SDK1: variants seen among roughly 807,000 people sequenced by gnomAD.
SDK1 encodes the protein sidekick cell adhesion molecule 1.
Under a neutral mutation model 245.5 loss-of-function variants are expected in SDK1, and 157 were observed. The ratio of observed to expected loss-of-function variants is 0.64; its 90% CI spans 0.56 to 0.73. SDK1 has a LOEUF of 0.73. SDK1 is among the 30% of genes least tolerant of loss of function. The pLI, the probability that SDK1 is intolerant of heterozygous loss-of-function variation, is 0.00. For synonymous variants in SDK1, 1,647 were observed against 1,278.5 expected (o/e 1.29, Z -6.15); for missense variants, 3,583 against 3,002.3 (o/e 1.19, Z -4.52).
At chr7:3,575,366 T>C (rs1401325352) in intron 1 of SDK1, among the ~76,000 whole-genome samples, 1 of 152,006 alleles carries the variant, frequency 6.6e-6, no homozygotes, top group Non-Finnish European at 1.5e-5. Flanking sequence ...TAACCCTTAT[T>C]ATAATGCCTC....
chr7:3,989,493 C>T (rs1784131604), intron 14 of SDK1, among the ~76,000 whole-genome samples: 1 of 152,128 alleles, frequency 6.6e-6, no homozygotes, highest in Non-Finnish European at 1.5e-5. Flanking sequence ...CCTGAGCCTC[C>T]CCCAGGCAGA....
chr7:3,644,906 A>G (rs1020469110), intron 4 of SDK1, among the ~76,000 whole-genome samples: 5 of 151,622 alleles, frequency 3.3e-5, no homozygotes, highest in African/African-American at 1.2e-4. Flanking sequence ...CTTAGGATAA[A>G]TGTTGGGGGA....
rs73294223 is a variant in SDK1 at position 3,371,855 on chromosome 7, A to T, written c.298+69971A>T. On this transcript the variant is annotated intron_variant, in intron 1 of 44. Coordinates refer to ENST00000404826, the MANE Select transcript of SDK1 (RefSeq NM_152744.4). ...AGTAAATAGCATAAGAAACCCTGAC[A>T]GTCGGCCAAAATTAACGAACAGAGG... Among the ~76,000 whole-genome samples, 1,413 of 152,332 alleles carry T rather than the reference A, an allele frequency of 9.3e-3. 29 individuals carry two copies. Among genetic ancestry groups the T allele is most frequent in the African/African-American group, 0.032 (1,330 of 41,566 alleles).
chr7:3,978,779 A>G (rs1371311895), intron 13 of SDK1, among the ~76,000 whole-genome samples: 1 of 152,198 alleles, frequency 6.6e-6, no homozygotes. Flanking sequence ...TCATATTGCC[A>G]AAGGGAAGGG....
In SDK1 at chr7:4,011,062, T is replaced by C. The variant is rs776057407; in HGVS notation, c.2228T>C (p.Val743Ala). Reference sequence around the variant, plus strand: ...CCGGCTCGTACCTATCAATTCCGGGTGTGCGCGGTGAATGAAGTGGGCAGG... The same window carrying C: ...CCGGCTCGTACCTATCAATTCCGGGCGTGCGCGGTGAATGAAGTGGGCAGG... ...LTPARTYQFRVCAVNEVGRGQ... is the reference protein window; with the variant it reads ...LTPARTYQFRACAVNEVGRGQ... Residue 743 changes from valine to alanine, a missense_variant, in exon 15 of 45, where the codon GTG becomes GCG. Transcript: ENST00000404826. 3 of 1,613,494 alleles carry C rather than the reference T, an allele frequency of 1.9e-6. No homozygotes were observed. The highest frequency in any genetic ancestry group is 2.5e-6 in the Non-Finnish European group (3 of 1,179,876).
At chr7:3,692,468 A>G (rs1784463144) in intron 4 of SDK1, among the ~76,000 whole-genome samples, 2 of 152,144 alleles carry the variant, frequency 1.3e-5, no homozygotes, top group Non-Finnish European at 2.9e-5. Context: ...GATTTCTTAT[A>G]TTACATATTT....
chr7:3,318,122 C>T (rs758631700), intron 1 of SDK1, among the ~76,000 whole-genome samples: 12 of 152,296 alleles, frequency 7.9e-5, no homozygotes, highest in Middle Eastern at 3.4e-3. Context: ...TGGTAGCATA[C>T]TCTTAGCTTG....
intron 5 of SDK1, among the ~76,000 whole-genome samples, chr7:3,910,437 T>G (rs565621542): frequency 2.6e-5 from 4 of 151,962 alleles, no homozygotes; most frequent in African/African-American, 9.7e-5. Context: ...GAGGCCAGAT[T>G]TCTGTGTGTG....
intron 1 of SDK1, among the ~76,000 whole-genome samples, chr7:3,428,501 GTTATA>G (rs1304405963): frequency 1.3e-5 from 2 of 150,902 alleles, no homozygotes; most frequent in African/African-American, 4.9e-5. Context: ...TGATATTTAT[GTTATA>G]AGGAGGCACA....
chr7:3,939,242 C>G (rs1215956723), intron 5 of SDK1, among the ~76,000 whole-genome samples: 1 of 152,226 alleles, frequency 6.6e-6, no homozygotes. Flanking sequence ...TGTGATTCCT[C>G]TCACTGCACA....
At chr7:3,971,329 T>C in intron 11 of SDK1, 137 bp from the exon 12 acceptor site, 1 of 650,232 alleles carries the variant, frequency 1.5e-6, no homozygotes, top group Non-Finnish European at 2.8e-6. Context: ...CTGAGAGTGA[T>C]CCATTTACAC....
intron 1 of SDK1, among the ~76,000 whole-genome samples, chr7:3,388,578 C>G (rs1393699523): frequency 6.6e-6 from 1 of 151,312 alleles, no homozygotes; most frequent in Non-Finnish European, 1.5e-5. Context: ...CAAATATTAA[C>G]TTTGATGATA....
At chr7:3,564,901 G>C (rs1428923850) in intron 1 of SDK1, among the ~76,000 whole-genome samples, 3 of 151,992 alleles carry the variant, frequency 2.0e-5, no homozygotes, top group Non-Finnish European at 4.4e-5. Flanking sequence ...TACATTAAAA[G>C]AGTGAAGGCA....
intron 40 of SDK1, among the ~76,000 whole-genome samples, chr7:4,232,214 A>G (rs1283747839): frequency 6.6e-6 from 1 of 151,842 alleles, no homozygotes; most frequent in African/African-American, 2.4e-5. Context: ...TCACCATTCT[A>G]CAGACAAGGG....
intron 5 of SDK1, among the ~76,000 whole-genome samples, chr7:3,908,259 A>G (rs571715799): frequency 8.3e-4 from 126 of 152,282 alleles, no homozygotes; most frequent in Admixed American, 3.0e-3. Context: ...AACAGTGAAC[A>G]CTCACTGAAG....
chr7:3,467,322 A>T (rs1781038891), intron 1 of SDK1, among the ~76,000 whole-genome samples: 1 of 152,104 alleles, frequency 6.6e-6, no homozygotes, highest in African/African-American at 2.4e-5. Flanking sequence ...AAAAAAAAGG[A>T]AACTACTTTT....
Position 3,301,519 on chromosome 7 carries a change from C to G in SDK1, c.-68C>G, listed in dbSNP as rs1318208178. ...CTCCCGCGGAGTGGCCGCGCCCGCT[C>G]GGAGCCGTCCCGCCTGTCCTGCCCG... On this transcript the variant is annotated 5_prime_UTR_variant, in exon 1 of 45. Transcript: ENST00000404826. 2.0e-5 allele frequency: 11 copies of G among 558,160 alleles called. No individual in the cohort carries two copies. The allele number at this position is 558,160 out of a possible 1,614,324, so 34.6% of individuals were successfully genotyped here.
intron 1 of SDK1, among the ~76,000 whole-genome samples, chr7:3,602,834 A>G (rs1435133259): frequency 2.6e-5 from 4 of 152,170 alleles, no homozygotes; most frequent in Non-Finnish European, 5.9e-5. Context: ...TCTTTAATCC[A>G]TCTTGAATTA....
At chr7:3,681,127 C>A (rs948712194) in intron 4 of SDK1, among the ~76,000 whole-genome samples, 1 of 152,192 alleles carries the variant, frequency 6.6e-6, no homozygotes, top group African/African-American at 2.4e-5. Flanking sequence ...CAGGCGTGAG[C>A]CACCGCGCCC....
Sources: allele counts gnomAD v4.1 joint callset (sites outside exome capture counted in the v4.1 genomes callset), GRCh38; gene constraint gnomAD v4.1.1; transcripts MANE v1.5; gene names NCBI Gene and HGNC (gene_info 2026-07-23, HGNC 2026-07-21).